MCM3: variants seen among roughly 807,000 people sequenced by gnomAD.
The protein encoded by MCM3 is DNA replication licensing factor MCM3.
Under a neutral mutation model 91.3 loss-of-function variants are expected in MCM3, and 59 were observed. The ratio of observed to expected loss-of-function variants is 0.65; its 90% CI spans 0.52 to 0.80. The LOEUF (loss-of-function observed/expected upper bound fraction) is 0.80, where lower values mean the gene tolerates loss of function less well. Ranked by LOEUF, MCM3 falls within the 30% of genes least tolerant of loss-of-function variation. The pLI is 0.00. For synonymous variants in MCM3, 383 were observed against 379.6 expected (o/e 1.01, Z -0.10); for missense variants, 919 against 1,035.4 (o/e 0.89, Z 1.54).
intron 12 of MCM3, 130 bp from the exon 13 acceptor site, chr6:52,269,356 T>G (rs559496415): frequency 1.3e-6 from 1 of 760,356 alleles, no homozygotes; most frequent in African/African-American, 1.7e-5. Flanking sequence ...CAGAGTTCTG[T>G]GTTCTCTACA....
chr6:52,268,941 G>C, intron 13 of MCM3, 145 bp downstream of exon 13: 1 of 814,846 alleles, frequency 1.2e-6, no homozygotes, highest in Non-Finnish European at 1.9e-6. Flanking sequence ...TCAGAGGAAA[G>C]AGTGAGGCAG....
intron 12 of MCM3, among the ~76,000 whole-genome samples, chr6:52,271,519 G>A (rs754431663): frequency 1.3e-5 from 2 of 152,112 alleles, no homozygotes; most frequent in South Asian, 2.1e-4. Context: ...GTGCATGCCT[G>A]TAATCCCAGC....
At chr6:52,273,085 A>G (rs959346693) in intron 11 of MCM3, 145 bp downstream of exon 11, 58 of 931,268 alleles carry the variant, frequency 6.2e-5, no homozygotes, top group Non-Finnish European at 9.3e-5. Context: ...GGACCCAGAA[A>G]AGAAGAAAAT....
intron 4 of MCM3, among the ~76,000 whole-genome samples, chr6:52,281,632 A>C (rs1766105113): frequency 6.6e-6 from 1 of 152,196 alleles, no homozygotes; most frequent in South Asian, 2.1e-4. Flanking sequence ...GTGTTCTATA[A>C]TGGCACCACT....
At chr6:52,277,269 C>T in intron 7 of MCM3, 71 bp from the exon 8 acceptor site, 2 of 1,537,926 alleles carry the variant, frequency 1.3e-6, no homozygotes, top group East Asian at 2.3e-5. Flanking sequence ...GCCTTTCTAG[C>T]ACAGCTCTTG....
intron 6 of MCM3, 56 bp downstream of exon 6, chr6:52,278,686 A>G: frequency 7.9e-7 from 1 of 1,270,028 alleles, no homozygotes; most frequent in South Asian, 1.3e-5. Flanking sequence ...CCATGCACCA[A>G]AACACAACTC....
chr6:52,277,586 C>A lies in MCM3; in HGVS notation c.982G>T (p.Asp328Tyr). Residue 328 changes from aspartate to tyrosine, a missense_variant, in exon 7 of 17, where the codon GAC (aspartate) becomes TAC (tyrosine). Physicochemically the swap from Asp to Tyr is radical, Grantham distance 160. Coordinates refer to ENST00000596288, the MANE Select transcript of MCM3 (RefSeq NM_002388.6). ...LCLLLGGVER[D>Y]LENGSHIRGD... ...CGGATGTGGCTGCCATTTTCTAGGT[C>A]TCGTTCCACCCCTCCCAAGAGCAAG... 1 of 1,614,056 alleles carries A rather than the reference C, an allele frequency of 6.2e-7. No individual in the cohort carries two copies. The highest frequency in any genetic ancestry group is 1.1e-5 in the South Asian group (1 of 91,078).
chr6:52,271,048 TAAA>T (rs912260904), intron 12 of MCM3, among the ~76,000 whole-genome samples: 5 of 151,818 alleles, frequency 3.3e-5, no homozygotes, highest in African/African-American at 4.8e-5. Context: ...CCGTCTCTAC[TAAA>T]AATACAAAAT....
intron 3 of MCM3, 100 bp downstream of exon 3, chr6:52,282,553 C>T: frequency 9.2e-7 from 1 of 1,087,864 alleles, no homozygotes; most frequent in Non-Finnish European, 1.4e-6. Flanking sequence ...AATGCTCCAC[C>T]TCTTTGAAGC....
In MCM3 at chr6:52,264,262, C is replaced by T. The variant is rs1389640787; in HGVS notation, c.*326G>A. On this transcript the variant is annotated 3_prime_UTR_variant, in exon 17 of 17. Transcript: ENST00000596288. The stretch of plus-strand genomic sequence containing the variant: ...AGCAAACAGAAAACAGTTGTGCCCC[C>T]AAAAGTACTCAGAAGTCATATGTTA... 1.1e-5 allele frequency: 3 copies of T among 261,598 alleles called. No individual in the cohort carries two copies. Among genetic ancestry groups the T allele is most frequent in the Admixed American group, 5.0e-5 (1 of 19,978 alleles). 16.2% of individuals were successfully genotyped at this position (261,598 alleles called of 1,614,324 possible).
Position 52,266,145 on chromosome 6 carries a change from C to CT in MCM3, c.2159-2dup, listed in dbSNP as rs750899440. 4.3e-6 allele frequency: 7 copies of CT among 1,613,356 alleles called. No individual in the cohort carries two copies. Among genetic ancestry groups the CT allele is most frequent in the Non-Finnish European group, 5.9e-6 (7 of 1,179,328 alleles). ...GAGTCTGCCGTCTTTGGAGTGTGTA[C>CT]TTCAGAGGGTTGATGGTTGTAGAGA... On this transcript the variant is annotated splice_acceptor_variant, in intron 15 of 16. Coordinates refer to ENST00000596288, the MANE Select transcript of MCM3 (RefSeq NM_002388.6). LOFTEE classifies it high-confidence loss of function.
At chr6:52,283,488 T>G in intron 1 of MCM3, 82 bp from the exon 2 acceptor site, 1 of 941,642 alleles carries the variant, frequency 1.1e-6, no homozygotes, top group South Asian at 1.3e-5. Flanking sequence ...CATAGCCAGA[T>G]AGCTAAGTCA....
At position 52,264,618 on chromosome 6, in the gene MCM3, C is replaced by G. The variant is rs756184336; in HGVS notation, c.2397G>C (p.Met799Ile). The change falls in exon 17 of 17, where the codon ATG (methionine) becomes ATC (isoleucine). Residue 799 changes from methionine (M) to isoleucine (I), a missense_variant. Physicochemically the swap from Met to Ile is conservative, Grantham distance 10 (BLOSUM62 1). Transcript: ENST00000596288. ...LSKMQDDNQVMVSEGIIFLI is the reference protein window; with the variant it reads ...LSKMQDDNQVIVSEGIIFLI ...TGAGGAAGATGATGCCCTCAGACACCATGACCTGATTGTCATCCTGCATCT... is the reference window on the plus strand; with the variant it reads ...TGAGGAAGATGATGCCCTCAGACACGATGACCTGATTGTCATCCTGCATCT... The G allele has an allele frequency of 6.8e-6, 11 of 1,614,056 alleles. No individual in the cohort carries two copies. In the South Asian group the frequency reaches 1.1e-4, roughly 16 times the overall value.
At chr6:52,276,533 G>T in intron 8 of MCM3, 57 bp from the exon 9 acceptor site, 1 of 1,401,426 alleles carries the variant, frequency 7.1e-7, no homozygotes, top group Non-Finnish European at 9.9e-7. Flanking sequence ...GGGCCAGAAG[G>T]GAAGGATTTC....
intron 13 of MCM3, among the ~76,000 whole-genome samples, chr6:52,268,696 A>G (rs17246556): frequency 0.059 from 9,034 of 152,236 alleles, 341 homozygotes; most frequent in East Asian, 0.13. Context: ...GGGACATTTG[A>G]AGAGACTACC....
Position 52,272,306 on chromosome 6 carries a change from C to T in MCM3, c.1822G>A (p.Ala608Thr), listed in dbSNP as rs754057696. 1.7e-5 allele frequency: 28 copies of T among 1,613,892 alleles called. No homozygotes were observed. The highest frequency in any genetic ancestry group is 2.0e-5 in the Non-Finnish European group (24 of 1,179,952). ...RSQDSMSSDTARTSPVTARTL... is the reference protein window; with the variant it reads ...RSQDSMSSDTTRTSPVTARTL... ...AGGCTCCCCCAGGCACTCACCCTGG[C>T]GGTGTCTGAGCTCATGCTATCCTGG... Residue 608 changes from alanine (A) to threonine (T), a missense_variant, in exon 12 of 17, where the codon GCC (alanine) becomes ACC (threonine). Transcript: ENST00000596288.
At chr6:52,279,175 T>C (rs1765842609) in intron 5 of MCM3, among the ~76,000 whole-genome samples, 186 bp downstream of exon 5, 1 of 152,224 alleles carries the variant, frequency 6.6e-6, no homozygotes, top group Non-Finnish European at 1.5e-5. Context: ...TTTTGGCATA[T>C]GATGGTTAAG....
rs150805137 is a variant in MCM3 at position 52,274,136 on chromosome 6, T to C, written c.1375-220A>G. Among the ~76,000 whole-genome samples, 134 of 152,248 alleles carry C rather than the reference T, an allele frequency of 8.8e-4. 1 individual carries two copies. Among genetic ancestry groups the C allele is most frequent in the African/African-American group, 2.9e-3 (121 of 41,542 alleles). On this transcript the variant is annotated intron_variant, in intron 9 of 16. Transcript: ENST00000596288. ...AACTGAGCTTCCTAGGAAGCCCCAC[T>C]TTCTACTACAGGAACCTCTAACAGG...
chr6:52,268,086 T>C, intron 13 of MCM3, 118 bp from the exon 14 acceptor site: 1 of 1,384,924 alleles, frequency 7.2e-7, no homozygotes, highest in Non-Finnish European at 1.0e-6. Flanking sequence ...TTCCAATGGT[T>C]TACCTAGCTC....
Sources: gnomAD v4.1 joint callset for allele counts (sites outside exome capture counted in the v4.1 genomes callset) on GRCh38, gnomAD v4.1.1 for gene constraint, MANE v1.5 for transcripts, NCBI Gene and HGNC (gene_info 2026-07-23, HGNC 2026-07-21) for gene names.